The following NIN variants were observed in gnomAD, a reference collection of about 807,000 sequenced individuals.
The protein encoded by NIN is ninein.
NIN carries 137 observed loss-of-function variants against 257.6 expected under a neutral mutation model. That is an observed-to-expected ratio of 0.53 (90% CI 0.46 to 0.61). The LOEUF (loss-of-function observed/expected upper bound fraction) is 0.61. Ranked by LOEUF, NIN falls within the 20% of genes least tolerant of loss-of-function variation. The pLI is 0.00. For synonymous variants in NIN, 918 were observed against 919.8 expected (o/e 1.00, Z 0.04); for missense variants, 2,439 against 2,501.2 (o/e 0.98, Z 0.53).
chr14:50,811,844 A>T lies in NIN; in HGVS notation c.184-5026T>A, dbSNP rs1032213826. On this transcript the variant is annotated intron_variant, in intron 3 of 30. Transcript: ENST00000530997. ...CCCGTCTCTATTAAAAATACAAAAA[A>T]TTAGCCAGGCGTGGTGGCGGGCGCC... 5.9e-5 allele frequency among the ~76,000 whole-genome samples: 9 copies of T among 152,044 alleles called. No individual in the cohort carries two copies. The East Asian group carries it at 1.7e-3, about 29-fold the overall frequency.
chr14:50,781,983 T>A (rs1323539917), intron 5 of NIN, among the ~76,000 whole-genome samples: 4 of 150,568 alleles, frequency 2.7e-5, no homozygotes, highest in Admixed American at 1.3e-4. Flanking sequence ...ACACAGACAA[T>A]TCACATAAGA....
chr14:50,821,632 T>G (rs1348902527), intron 3 of NIN, among the ~76,000 whole-genome samples: 3 of 152,206 alleles, frequency 2.0e-5, no homozygotes, highest in Admixed American at 6.5e-5. Context: ...GAAAACATCC[T>G]TTCATTGCCT....
At chr14:50,786,673 TG>T (rs1384265327) in intron 5 of NIN, among the ~76,000 whole-genome samples, 1 of 151,762 alleles carries the variant, frequency 6.6e-6, no homozygotes, top group Non-Finnish European at 1.5e-5. Flanking sequence ...TCATAGCCTT[TG>T]GTAGAATAAA....
chr14:50,725,027 G>A (rs951823038), intron 30 of NIN, among the ~76,000 whole-genome samples: 1 of 152,114 alleles, frequency 6.6e-6, no homozygotes, highest in Admixed American at 6.5e-5. Context: ...CTGTGCCCAC[G>A]GCAGGACCTG....
intron 4 of NIN, among the ~76,000 whole-genome samples, chr14:50,798,135 A>G (rs1222755971): frequency 6.6e-6 from 1 of 152,206 alleles, no homozygotes; most frequent in Admixed American, 6.5e-5. Flanking sequence ...ACCAGCAAGC[A>G]GCCGCACCAC....
chr14:50,829,071 T>C (rs1458169772), intron 2 of NIN, among the ~76,000 whole-genome samples: 1 of 152,196 alleles, frequency 6.6e-6, no homozygotes, highest in East Asian at 1.9e-4. Context: ...ATCCTACCTT[T>C]TCCCCACTCT....
Position 50,722,717 on chromosome 14 carries a change from T to C in NIN, c.*746A>G, listed in dbSNP as rs904882265. On this transcript the variant is annotated 3_prime_UTR_variant, in exon 31 of 31. Coordinates refer to ENST00000530997, the MANE Select transcript of NIN (RefSeq NM_020921.4). ...CCCTATAGTTCAACTGCTTTAATTA[T>C]GTGGCTTTATCCGTTTCTTAGAAGA... 4.2e-5 allele frequency: 9 copies of C among 216,464 alleles called. No homozygotes were observed. The highest frequency in any genetic ancestry group is 1.8e-4 in the African/African-American group (8 of 44,462). 13.4% of individuals were successfully genotyped at this position (216,464 alleles called of 1,614,324 possible). A position where few individuals can be genotyped will look rare whatever the true frequency, so the allele number is the denominator to read the frequency against.
At chr14:50,727,784 CTCA>C in intron 29 of NIN, 3 of 1,416,170 alleles carry the variant, frequency 2.1e-6, no homozygotes, top group Non-Finnish European at 2.9e-6. Context: ...ACACTTCACC[CTCA>C]TGTCAGGATG....
intron 28 of NIN, among the ~76,000 whole-genome samples, chr14:50,734,432 C>T (rs2040875386): frequency 6.6e-6 from 1 of 152,134 alleles, no homozygotes; most frequent in South Asian, 2.1e-4. Context: ...TATGTGTATA[C>T]ACAGTACTTT....
At chr14:50,760,828 G>A (rs765364803) in intron 16 of NIN, among the ~76,000 whole-genome samples, 2 of 151,882 alleles carry the variant, frequency 1.3e-5, no homozygotes, top group African/African-American at 2.4e-5. Flanking sequence ...ACACACCACC[G>A]TGCCCTAATT....
intron 16 of NIN, among the ~76,000 whole-genome samples, chr14:50,760,595 A>C (rs1393598672): frequency 6.6e-6 from 1 of 152,150 alleles, no homozygotes; most frequent in Non-Finnish European, 1.5e-5. Context: ...GAACAACCTT[A>C]TTAAGAACTG....
chr14:50,732,025 TCAAAA>T (rs2040734527), intron 28 of NIN, among the ~76,000 whole-genome samples: 1 of 152,150 alleles, frequency 6.6e-6, no homozygotes, highest in Non-Finnish European at 1.5e-5. Context: ...TGTTGAGTGT[TCAAAA>T]CAAACTTATT....
intron 2 of NIN, among the ~76,000 whole-genome samples, chr14:50,824,439 C>T (rs924888977): frequency 1.3e-5 from 2 of 152,168 alleles, no homozygotes; most frequent in Non-Finnish European, 2.9e-5. Flanking sequence ...ACAAGCACCA[C>T]CCCTGTGGAA....
rs886509978 is a variant in NIN, at chr14:50,739,478, G to A, written c.5458C>T (p.Pro1820Ser). The change falls in exon 26 of 31, where the codon CCA becomes TCA. Residue 1820 changes from proline to serine, a missense_variant. Coordinates refer to ENST00000530997, the MANE Select transcript of NIN (RefSeq NM_020921.4). ...CCTGATGGATGAGTAGCTATCTCTG[G>A]GGCCCAGCTCTTAAGAGAATTGCAG... ...LQNAGGKSWA[P>S]EIATHPSGLH... 1 of 1,613,944 alleles carries A rather than the reference G, an allele frequency of 6.2e-7. No homozygotes were observed. The highest frequency in any genetic ancestry group is 1.3e-5 in the African/African-American group (1 of 74,896).
chr14:50,810,795 G>T (rs918386687), intron 3 of NIN, among the ~76,000 whole-genome samples: 2 of 151,864 alleles, frequency 1.3e-5, no homozygotes, highest in African/African-American at 2.4e-5. Context: ...CGAGTAGCTG[G>T]GACTACAGGC....
chr14:50,781,628 T>G (rs964943201), intron 5 of NIN, among the ~76,000 whole-genome samples: 3 of 152,184 alleles, frequency 2.0e-5, no homozygotes, highest in African/African-American at 4.8e-5. Flanking sequence ...CTGCATAGAC[T>G]TAGGAGGCAG....
chr14:50,730,944 G>A (rs1328717589), intron 28 of NIN: 2 of 1,348,192 alleles, frequency 1.5e-6, no homozygotes, highest in Admixed American at 1.9e-5. Flanking sequence ...ATCTCAGGCA[G>A]AGAACTGCAC....
chr14:50,746,614 A>G (rs182231255), intron 22 of NIN, among the ~76,000 whole-genome samples: 47 of 152,384 alleles, frequency 3.1e-4, no homozygotes, highest in African/African-American at 1.1e-3. Flanking sequence ...ACAGATGTTA[A>G]GAATGAAAAT....
At chr14:50,728,200 G>A (rs182658697) in intron 29 of NIN, among the ~76,000 whole-genome samples, 36 of 152,150 alleles carry the variant, frequency 2.4e-4, no homozygotes, top group African/African-American at 6.5e-4. Flanking sequence ...GAATCTTGGC[G>A]GATCATTTGG....
Sources: allele counts gnomAD v4.1 joint callset (sites outside exome capture counted in the v4.1 genomes callset), GRCh38; gene constraint gnomAD v4.1.1; transcripts MANE v1.5; gene names NCBI Gene and HGNC (gene_info 2026-07-23, HGNC 2026-07-21).